MTMR2: variants seen among roughly 807,000 people sequenced by gnomAD.
The protein encoded by MTMR2 is phosphatidylinositol-3,5-bisphosphate 3-phosphatase MTMR2.
A neutral mutation model predicts 86.9 loss-of-function variants in MTMR2; 55 were observed. The ratio of observed to expected loss-of-function variants is 0.63; its 90% CI spans 0.51 to 0.79. The LOEUF (loss-of-function observed/expected upper bound fraction) is 0.79, where lower values mean the gene tolerates loss of function less well. Among genes scored for constraint, MTMR2 ranks in the 30% least tolerant of loss-of-function variants. The pLI, the probability that MTMR2 is intolerant of heterozygous loss-of-function variation, is 0.00. For missense variants in MTMR2, 659 were observed against 772.3 expected (o/e 0.85, Z 1.74); for synonymous variants, 241 against 266.8 (o/e 0.90, Z 0.94).
chr11:95,892,002 G>A lies in MTMR2; in HGVS notation c.81-3741C>T, dbSNP rs563608306. On this transcript the variant is annotated intron_variant, in intron 1 of 14. Coordinates refer to ENST00000346299, the MANE Select transcript of MTMR2 (RefSeq NM_016156.6). ...GCAGCTACTCAGACTGAAGGTGGCC[G>A]TGGGCACAGTAGGATGCATAGTTCT... Among the ~76,000 whole-genome samples, 44 of 152,258 alleles carry A rather than the reference G, an allele frequency of 2.9e-4. No homozygotes were observed. In the South Asian group the frequency reaches 5.6e-3, roughly 19 times the overall value.
At chr11:95,907,979 A>C (rs1365687277) in intron 1 of MTMR2, 1 of 347,750 alleles carries the variant, frequency 2.9e-6, no homozygotes, top group African/African-American at 2.2e-5. Context: ...ATTCAACATA[A>C]CACTGTAAGT....
intron 1 of MTMR2, among the ~76,000 whole-genome samples, chr11:95,891,795 C>G (rs1269354587): frequency 2.0e-5 from 3 of 151,806 alleles, no homozygotes; most frequent in African/African-American, 7.3e-5. Flanking sequence ...TAGTACTGTT[C>G]TTGTGATTAC....
chr11:95,878,587 CAT>C (rs1206042537), intron 2 of MTMR2, among the ~76,000 whole-genome samples: 3 of 152,082 alleles, frequency 2.0e-5, no homozygotes, highest in African/African-American at 7.2e-5. Flanking sequence ...TAAAGGGTAA[CAT>C]ATTATTCTAT....
At chr11:95,878,537 C>T (rs189936144) in intron 2 of MTMR2, among the ~76,000 whole-genome samples, 8 of 152,194 alleles carry the variant, frequency 5.3e-5, no homozygotes, top group African/African-American at 1.9e-4. Context: ...TCAATTCCTT[C>T]ACTTTTCTGC....
intron 1 of MTMR2, among the ~76,000 whole-genome samples, chr11:95,921,690 CA>C (rs1866933921): frequency 1.3e-5 from 2 of 152,178 alleles, no homozygotes; most frequent in South Asian, 4.1e-4. Context: ...AACTTCCATA[CA>C]GTAGACATTA....
chr11:95,914,414 G>C (rs1866625153), intron 1 of MTMR2: 1 of 977,866 alleles, frequency 1.0e-6, no homozygotes, highest in Non-Finnish European at 1.2e-6. Flanking sequence ...GAGTGGTGGG[G>C]AGGAGGCTTT....
intron 1 of MTMR2, among the ~76,000 whole-genome samples, chr11:95,902,023 A>T (rs1866092999): frequency 6.6e-6 from 1 of 152,182 alleles, no homozygotes; most frequent in Non-Finnish European, 1.5e-5. Context: ...ATAGTAAATG[A>T]AGATAAGAGT....
intron 1 of MTMR2, among the ~76,000 whole-genome samples, chr11:95,894,120 T>G (rs959762303): frequency 6.6e-6 from 1 of 152,196 alleles, no homozygotes; most frequent in Non-Finnish European, 1.5e-5. Context: ...AGCCATTTCA[T>G]GCCTCTGTGC....
At chr11:95,873,439 G>A (rs923460220) in intron 2 of MTMR2, among the ~76,000 whole-genome samples, 20 of 152,046 alleles carry the variant, frequency 1.3e-4, no homozygotes, top group Non-Finnish European at 2.1e-4. Flanking sequence ...TATTTCTGTG[G>A]GATCGGTGGT....
Position 95,838,098 on chromosome 11 carries a change from T to C in MTMR2, c.1589A>G (p.Lys530Arg). Reference protein sequence around the residue: ...FLCNSEQQRGKENLPKRTVSL... With the variant: ...FLCNSEQQRGRENLPKRTVSL... ...AGGTCATGTTTCATATTTTACCTCT[T>C]TTCCTCTCTGTTGTTCACTATTACA... is the stretch of plus-strand genomic sequence containing the variant. The change falls in exon 13 of 15, where the codon AAA (lysine) becomes AGA (arginine). Residue 530 changes from lysine (K) to arginine (R), a missense_variant. Around this residue, in one of 3 missense-constraint regions of MTMR2, gnomAD observed 193 missense variants for 191.6 expected, o/e 1.01. Transcript: ENST00000346299. 1 of 1,582,176 alleles carries C rather than the reference T, an allele frequency of 6.3e-7. No homozygotes were observed. The highest frequency in any genetic ancestry group is 8.7e-7 in the Non-Finnish European group (1 of 1,151,470).
chr11:95,837,480 G>A (rs1357270648), intron 13 of MTMR2, among the ~76,000 whole-genome samples: 1 of 151,912 alleles, frequency 6.6e-6, no homozygotes, highest in Non-Finnish European at 1.5e-5. Flanking sequence ...TTGATACATA[G>A]GATAGACAAG....
intron 13 of MTMR2, among the ~76,000 whole-genome samples, chr11:95,837,038 T>C (rs138068389): frequency 2.3e-4 from 35 of 152,192 alleles, no homozygotes; most frequent in African/African-American, 7.2e-4. Context: ...CAATGATTCC[T>C]ACCCCAAGGC....
chr11:95,851,208 G>A (rs974102740), intron 7 of MTMR2, among the ~76,000 whole-genome samples: 5 of 151,102 alleles, frequency 3.3e-5, no homozygotes, highest in Admixed American at 6.6e-5. Flanking sequence ...GACTACAGCC[G>A]TACGCCACCA....
At chr11:95,879,191 A>G (rs1042494179) in intron 2 of MTMR2, among the ~76,000 whole-genome samples, 7 of 152,198 alleles carry the variant, frequency 4.6e-5, no homozygotes, top group Non-Finnish European at 7.4e-5. Context: ...GTCATCCAAA[A>G]AGAGATGACA....
At chr11:95,853,819 AG>A (rs1294326941) in intron 7 of MTMR2, among the ~76,000 whole-genome samples, 2 of 152,234 alleles carry the variant, frequency 1.3e-5, no homozygotes, top group Non-Finnish European at 2.9e-5. Flanking sequence ...AGTGAACCAC[AG>A]GAAGTTTCCA....
In MTMR2 at chr11:95,923,921, A is replaced by G; in HGVS notation, c.34T>C (p.Ser12Pro). 2 of 1,561,412 alleles carry G rather than the reference A, an allele frequency of 1.3e-6. No individual in the cohort carries two copies. Among genetic ancestry groups the G allele is most frequent in the Non-Finnish European group, 1.7e-6 (2 of 1,152,384 alleles). The change falls in exon 1 of 15, where the codon TCC (serine) becomes CCC (proline). Residue 12 changes from serine to proline, a missense_variant. Physicochemically the swap from Ser to Pro is moderately conservative, Grantham distance 74 (BLOSUM62 -1). Around this residue, in one of 3 missense-constraint regions of MTMR2, gnomAD observed 79 missense variants for 54.4 expected, o/e 1.45. Transcript: ENST00000346299. ...EKSSSCESLG[S>P]QPAAARPPSV... ...GGCGGCCGAGCCGCCGCCGGCTGGGAGCCAAGACTCTCGCAGCTCGAGCTC... is the reference window on the plus strand; with the variant it reads ...GGCGGCCGAGCCGCCGCCGGCTGGGGGCCAAGACTCTCGCAGCTCGAGCTC...
chr11:95,911,782 T>A (rs1325608694), intron 1 of MTMR2, among the ~76,000 whole-genome samples: 2 of 152,146 alleles, frequency 1.3e-5, no homozygotes, highest in African/African-American at 2.4e-5. Context: ...GAGAAGGTGA[T>A]CTATTCCCTA....
intron 2 of MTMR2, among the ~76,000 whole-genome samples, chr11:95,872,507 T>C (rs914019356): frequency 8.5e-5 from 13 of 152,188 alleles, no homozygotes; most frequent in Non-Finnish European, 1.3e-4. Flanking sequence ...CTTAAGGAGA[T>C]TTTGGGCTGA....
intron 2 of MTMR2, among the ~76,000 whole-genome samples, chr11:95,877,992 G>A (rs1363986652): frequency 1.3e-5 from 2 of 151,470 alleles, no homozygotes; most frequent in Admixed American, 1.3e-4. Context: ...AAAACTTCCA[G>A]ATTTTAATCT....
Sources: allele counts gnomAD v4.1 joint callset (sites outside exome capture counted in the v4.1 genomes callset), GRCh38; gene constraint gnomAD v4.1.1; regional missense constraint gnomAD v4.1.1; transcripts MANE v1.5; gene names NCBI Gene and HGNC (gene_info 2026-07-23, HGNC 2026-07-21).